Variants in SLC8A1 observed in about 807,000 individuals in gnomAD.
SLC8A1 encodes the protein sodium/calcium exchanger 1.
Under a neutral mutation model 68.3 loss-of-function variants are expected in SLC8A1, and 18 were observed. That is an observed-to-expected ratio of 0.26 (90% CI 0.18 to 0.39). The LOEUF is 0.39. SLC8A1 is among the 10% of genes least tolerant of loss of function. The pLI is 1.00. For synonymous variants in SLC8A1, 475 were observed against 415.5 expected (o/e 1.14, Z -1.74); for missense variants, 985 against 1,156.7 (o/e 0.85, Z 2.15).
At chr2:40,251,419 T>C (rs1368654510) in intron 2 of SLC8A1, 1 of 152,066 alleles carries the variant, frequency 6.6e-6, no homozygotes, top group East Asian at 1.9e-4. Flanking sequence ...CAGGAAAAGG[T>C]GGCAGGCAGA....
At chr2:40,124,561 AACTCATTCCT>A (rs1307474754) in intron 7 of SLC8A1, among the ~76,000 whole-genome samples, 1 of 152,154 alleles carries the variant, frequency 6.6e-6, no homozygotes, top group Non-Finnish European at 1.5e-5. Flanking sequence ...TTCCTCCATT[AACTCATTCCT>A]ACAGATTAGT....
chr2:40,290,777 T>A (rs2069168591), intron 2 of SLC8A1, among the ~76,000 whole-genome samples: 1 of 152,172 alleles, frequency 6.6e-6, no homozygotes, highest in African/African-American at 2.4e-5. Flanking sequence ...TCTTTATTTC[T>A]TAGATGTTTG....
exon 8 of SLC8A1, chr2:40,102,103 T>A (rs969957621): frequency 1.3e-5 from 2 of 152,164 alleles, no homozygotes; most frequent in Non-Finnish European, 2.9e-5. Context: ...CTAGTTTAAT[T>A]ATAGAGAATC....
chr2:40,195,975 C>T (rs72792772), intron 2 of SLC8A1: 7,654 of 151,374 alleles, frequency 0.051, 211 homozygotes, highest in Non-Finnish European at 0.062. Flanking sequence ...AAAGGGAGAC[C>T]GAGAGGGGTG....
chr2:40,295,531 G>C (rs972399565), intron 2 of SLC8A1, among the ~76,000 whole-genome samples: 3 of 152,044 alleles, frequency 2.0e-5, no homozygotes, highest in African/African-American at 7.2e-5. Context: ...TAAAGAAGTG[G>C]GAAATTTTTT....
At chr2:40,174,060 A>AT (rs2048023090) in intron 4 of SLC8A1, among the ~76,000 whole-genome samples, 1 of 152,174 alleles carries the variant, frequency 6.6e-6, no homozygotes, top group Non-Finnish European at 1.5e-5. Context: ...TTGAGTTTTT[A>AT]TAGAATACTT....
chr2:40,430,354 G>C (rs1045867057), intron 1 of SLC8A1, 50 bp from the exon 2 acceptor site: 11 of 1,496,424 alleles, frequency 7.4e-6, no homozygotes, highest in Non-Finnish European at 7.1e-6. Context: ...CATGTCATTA[G>C]AGCTGCAGCC....
At chr2:40,238,569 G>A (rs1026464926) in intron 2 of SLC8A1, among the ~76,000 whole-genome samples, 2 of 152,170 alleles carry the variant, frequency 1.3e-5, no homozygotes, top group South Asian at 2.1e-4. Flanking sequence ...CGTCTTCTGC[G>A]TCGCTCACGC....
intron 2 of SLC8A1, among the ~76,000 whole-genome samples, chr2:40,227,579 G>A (rs978699786): frequency 4.6e-5 from 7 of 152,112 alleles, no homozygotes; most frequent in African/African-American, 1.7e-4. Context: ...TGGGAAGAGG[G>A]AGAGCATCAG....
chr2:40,331,662 C>A (rs533467748), intron 2 of SLC8A1, among the ~76,000 whole-genome samples: 1 of 151,806 alleles, frequency 6.6e-6, no homozygotes, highest in Non-Finnish European at 1.5e-5. Context: ...GGTGCGATCT[C>A]GGCTCACTGC....
At chr2:40,495,409 G>T (rs565591994) in intron 1 of SLC8A1, among the ~76,000 whole-genome samples, 4 of 152,152 alleles carry the variant, frequency 2.6e-5, no homozygotes, top group African/African-American at 9.6e-5. Flanking sequence ...CGAAGGATCC[G>T]AGTTCAGGAC....
At chr2:40,495,442 T>C (rs982998053) in intron 1 of SLC8A1, among the ~76,000 whole-genome samples, 2 of 152,038 alleles carry the variant, frequency 1.3e-5, no homozygotes, top group Non-Finnish European at 2.9e-5. Flanking sequence ...TGTTTTTTTC[T>C]TCTTCTTCAA....
intron 2 of SLC8A1, among the ~76,000 whole-genome samples, chr2:40,211,310 T>A (rs1478458322): frequency 6.6e-6 from 1 of 152,212 alleles, no homozygotes; most frequent in Non-Finnish European, 1.5e-5. Flanking sequence ...TTAAATTCAG[T>A]TTAGTTTTTG....
intron 2 of SLC8A1, among the ~76,000 whole-genome samples, chr2:40,214,499 A>G (rs959504662): frequency 5.1e-4 from 77 of 150,314 alleles, no homozygotes; most frequent in African/African-American, 1.8e-3. Context: ...CTGGAGTGCA[A>G]TGGCGCAATC....
chr2:40,435,944 T>C (rs75654760), intron 1 of SLC8A1, among the ~76,000 whole-genome samples: 3 of 136,258 alleles, frequency 2.2e-5, no homozygotes, highest in Non-Finnish European at 3.1e-5. Flanking sequence ...GCTCGGCTAT[T>C]TTTTTTTTTT....
Position 40,307,162 on chromosome 2 carries a change from CACACACACAAACACAT to C in SLC8A1, c.1808+121295_1808+121310del, listed in dbSNP as rs1357312009. On this transcript the variant is annotated intron_variant, in intron 2 of 7. Coordinates refer to ENST00000406785, the Ensembl canonical transcript of SLC8A1. ...AATGTGATATACACACACACACACA[CACACACACAAACACAT>C]ACACACACACACACCAATATAACAG... Among the ~76,000 whole-genome samples, 12 of 151,308 alleles carry C rather than the reference CACACACACAAACACAT, an allele frequency of 7.9e-5. No homozygotes were observed. The East Asian group carries it at 9.6e-4, about 12-fold the overall frequency.
intron 2 of SLC8A1, among the ~76,000 whole-genome samples, chr2:40,308,409 G>T (rs918740497): frequency 6.6e-6 from 1 of 152,150 alleles, no homozygotes; most frequent in African/African-American, 2.4e-5. Context: ...GGACAGCAAA[G>T]GTGGAGTAGA....
At chr2:40,107,668 C>T (rs2034301181) in exon 8 of SLC8A1, 1 of 152,084 alleles carries the variant, frequency 6.6e-6, no homozygotes, top group South Asian at 2.1e-4. Context: ...AATATGCTTC[C>T]TTCCATGCCT....
intron 2 of SLC8A1, among the ~76,000 whole-genome samples, chr2:40,204,532 T>A (rs1334816748): frequency 6.6e-6 from 1 of 151,916 alleles, no homozygotes; most frequent in Admixed American, 6.6e-5. Flanking sequence ...GCTAATTAAA[T>A]TTACAAAGCC....
Sources: allele counts gnomAD v4.1 joint callset (sites outside exome capture counted in the v4.1 genomes callset), GRCh38; gene constraint gnomAD v4.1.1; transcripts MANE v1.5; gene names NCBI Gene and HGNC (gene_info 2026-07-23, HGNC 2026-07-21).